Variants in SLC25A20 observed in about 807,000 individuals in gnomAD.
SLC25A20 encodes mitochondrial carnitine/acylcarnitine carrier protein.
In SLC25A20, 29 loss-of-function variants were observed where a neutral mutation model predicts 39.7. The observed-to-expected ratio is 0.73, with a 90% CI of 0.54 to 1.00. The LOEUF is 1.00. SLC25A20 is among the 50% of genes least tolerant of loss of function. The probability of loss-of-function intolerance (pLI) is 0.00; values close to 1 mark genes in which losing one functional copy is unlikely to be tolerated. For synonymous variants in SLC25A20, 103 were observed against 142.2 expected (o/e 0.72, Z 1.96); for missense variants, 333 against 379.9 (o/e 0.88, Z 1.03).
intron 2 of SLC25A20, among the ~76,000 whole-genome samples, chr3:48,885,175 T>C (rs145467440): frequency 5.3e-5 from 8 of 151,680 alleles, no homozygotes; most frequent in South Asian, 2.1e-4. Context: ...GGAGGCTGAG[T>C]TGGGAGAATA....
chr3:48,893,199 T>TTGTAGAGACAGA (rs2083889989), intron 1 of SLC25A20, among the ~76,000 whole-genome samples: 2 of 152,016 alleles, frequency 1.3e-5, no homozygotes, highest in East Asian at 3.9e-4. Context: ...GGCTAATTTT[T>TTGTAGAGACAGA]ATTGTTTTTG....
At chr3:48,882,967 C>T (rs1479530542) in intron 3 of SLC25A20, among the ~76,000 whole-genome samples, 1 of 150,700 alleles carries the variant, frequency 6.6e-6, no homozygotes, top group Non-Finnish European at 1.5e-5. Flanking sequence ...GGGGGCGGAT[C>T]ACGAGGTCAG....
At chr3:48,861,072 C>T (rs2083623321) in intron 5 of SLC25A20, among the ~76,000 whole-genome samples, 1 of 151,618 alleles carries the variant, frequency 6.6e-6, no homozygotes, top group African/African-American at 2.4e-5. Context: ...CGTGATCCGC[C>T]CGCCTCGGCC....
intron 2 of SLC25A20, among the ~76,000 whole-genome samples, chr3:48,890,835 T>C (rs1448882318): frequency 6.6e-6 from 1 of 150,682 alleles, no homozygotes; most frequent in Non-Finnish European, 1.5e-5. Context: ...TTTGTATTTT[T>C]AGTAGAGATG....
At position 48,857,710 on chromosome 3, in the gene SLC25A20, TCA is replaced by T. The variant is rs1330182140; in HGVS notation, c.904_905del (p.Ter302ArgfsTer21). 6.2e-7 allele frequency: 1 copy of T among 1,613,508 alleles called. No individual in the cohort carries two copies. The highest frequency in any genetic ancestry group is 1.3e-5 in the African/African-American group (1 of 74,854). The part of the protein sequence containing the change: ...KFLNWATPNL[*>X] ...AAGTGAACTTGAGCAGCCTTCAGCCTCACAAGTTGGGGGTGGCCCAATTAAGG... is the reference window on the plus strand; with the variant it reads ...AAGTGAACTTGAGCAGCCTTCAGCCTCAAGTTGGGGGTGGCCCAATTAAGG... On this transcript the variant is annotated frameshift_variant and stop_lost, in exon 9 of 9. Transcript: ENST00000319017. LOFTEE classifies it high-confidence loss of function.
chr3:48,872,513 A>AG (rs1447464110), intron 4 of SLC25A20, among the ~76,000 whole-genome samples: 2 of 151,724 alleles, frequency 1.3e-5, no homozygotes, highest in African/African-American at 4.8e-5. Context: ...CGGAGGTCAA[A>AG]GGTAAAAGAA....
chr3:48,894,978 C>T (rs898849176), intron 1 of SLC25A20, among the ~76,000 whole-genome samples: 1 of 151,756 alleles, frequency 6.6e-6, no homozygotes, highest in Non-Finnish European at 1.5e-5. Flanking sequence ...CCACCACTCC[C>T]GGATAATTTT....
In SLC25A20 at chr3:48,857,527, C is replaced by T. The variant is rs1446504582; in HGVS notation, c.*183G>A. The T allele has an allele frequency of 1.5e-5, 9 of 619,028 alleles. No individual in the cohort carries two copies. The highest frequency in any genetic ancestry group is 2.7e-5 in the Non-Finnish European group (9 of 339,488). The allele number at this position is 619,028 out of a possible 1,614,324, so 38.3% of individuals were successfully genotyped here. On this transcript the variant is annotated 3_prime_UTR_variant, in exon 9 of 9. Transcript: ENST00000319017. ...AGAATGAATTCAAGTTTCAAAATGA[C>T]ACACTAAGTTATACACGGTGCAGGA... is the stretch of plus-strand genomic sequence containing the variant.
At chr3:48,898,650 CG>C in intron 1 of SLC25A20, 39 bp downstream of exon 1, 1 of 1,543,354 alleles carries the variant, frequency 6.5e-7, no homozygotes, top group East Asian at 2.4e-5. Flanking sequence ...GCGCCCCGCC[CG>C]GGCCTCCTCC....
chr3:48,862,468 G>A, intron 5 of SLC25A20, 74 bp downstream of exon 5: 1 of 906,856 alleles, frequency 1.1e-6, no homozygotes, highest in Non-Finnish European at 1.9e-6. Context: ...TGGCAATCCA[G>A]GCAAGACCTT....
chr3:48,879,496 G>C, intron 3 of SLC25A20, 48 bp from the exon 4 acceptor site: 1 of 1,250,486 alleles, frequency 8.0e-7, no homozygotes, highest in Non-Finnish European at 1.2e-6. Flanking sequence ...ACTAACCACC[G>C]AGGACAGAGG....
chr3:48,891,335 A>G (rs781305771), intron 2 of SLC25A20, among the ~76,000 whole-genome samples: 3 of 152,124 alleles, frequency 2.0e-5, no homozygotes, highest in Non-Finnish European at 4.4e-5. Flanking sequence ...TTGGCCTCCC[A>G]AAGTGCTGGG....
intron 4 of SLC25A20, among the ~76,000 whole-genome samples, chr3:48,871,397 GT>G (rs1370016678): frequency 2.6e-5 from 4 of 151,834 alleles, no homozygotes; most frequent in African/African-American, 9.7e-5. Flanking sequence ...GAATTTCAAG[GT>G]TTATTATACA....
chr3:48,879,144 ACAGGCGTAAAC>A (rs2083782524), intron 4 of SLC25A20, among the ~76,000 whole-genome samples: 1 of 152,052 alleles, frequency 6.6e-6, no homozygotes, highest in South Asian at 2.1e-4. Flanking sequence ...TGCTGGGATT[ACAGGCGTAAAC>A]CACTGCACCT....
chr3:48,865,035 A>G (rs2083655250), intron 4 of SLC25A20, among the ~76,000 whole-genome samples: 1 of 152,192 alleles, frequency 6.6e-6, no homozygotes. Context: ...CCAGGAGCTC[A>G]GTTTTGTACA....
At chr3:48,890,901 G>A (rs918925319) in intron 2 of SLC25A20, among the ~76,000 whole-genome samples, 2 of 151,792 alleles carry the variant, frequency 1.3e-5, no homozygotes, top group East Asian at 2.0e-4. Flanking sequence ...TGATCCACCC[G>A]CCTCAGCCTC....
intron 5 of SLC25A20, 125 bp downstream of exon 5, chr3:48,862,417 G>A (rs2083635000): frequency 2.7e-6 from 2 of 751,658 alleles, no homozygotes; most frequent in Non-Finnish European, 4.9e-6. Flanking sequence ...CTTACTGCCA[G>A]TATTGTCAGA....
intron 4 of SLC25A20, among the ~76,000 whole-genome samples, chr3:48,868,045 G>A (rs1452958321): frequency 6.6e-6 from 1 of 150,726 alleles, no homozygotes; most frequent in Non-Finnish European, 1.5e-5. Context: ...TAGGCAACAA[G>A]AGCAAAAACT....
chr3:48,857,922 C>A, intron 8 of SLC25A20, 150 bp from the exon 9 acceptor site: 1 of 642,508 alleles, frequency 1.6e-6, no homozygotes, highest in Non-Finnish European at 2.8e-6. Context: ...TCTACTCTCT[C>A]ATTTTTAAGA....
Sources: allele counts gnomAD v4.1 joint callset (sites outside exome capture counted in the v4.1 genomes callset), GRCh38; gene constraint gnomAD v4.1.1; transcripts MANE v1.5; gene names NCBI Gene and HGNC (gene_info 2026-07-23, HGNC 2026-07-21).